ATXN1: variants seen among roughly 807,000 people sequenced by gnomAD.
ATXN1 encodes the protein ataxin 1.
Under a neutral mutation model 56.4 loss-of-function variants are expected in ATXN1, and 8 were observed. The observed-to-expected ratio is 0.14, with a 90% CI of 0.08 to 0.26. ATXN1 has a LOEUF of 0.26. Among genes scored for constraint, ATXN1 ranks in the 10% least tolerant of loss-of-function variants. The pLI is 1.00. For synonymous variants in ATXN1, 514 were observed against 494.6 expected (o/e 1.04, Z -0.52); for missense variants, 987 against 1,106.5 (o/e 0.89, Z 1.53).
chr6:16,357,709 C>T (rs967107086), intron 6 of ATXN1, among the ~76,000 whole-genome samples: 1 of 152,136 alleles, frequency 6.6e-6, no homozygotes, highest in Non-Finnish European at 1.5e-5. Flanking sequence ...AGGGTCTAGA[C>T]TCAGGTAGCG....
chr6:16,403,592 C>G (rs1758625896), intron 6 of ATXN1, among the ~76,000 whole-genome samples: 1 of 152,170 alleles, frequency 6.6e-6, no homozygotes, highest in Non-Finnish European at 1.5e-5. Flanking sequence ...CTCAAGTGAT[C>G]CTCACACCTT....
chr6:16,581,416 A>T (rs1487514726), intron 4 of ATXN1, among the ~76,000 whole-genome samples: 1 of 152,080 alleles, frequency 6.6e-6, no homozygotes, highest in Non-Finnish European at 1.5e-5. Context: ...TTCGTCAAAG[A>T]CAGTAAATCC....
At chr6:16,504,079 C>G (rs992888430) in intron 5 of ATXN1, among the ~76,000 whole-genome samples, 2 of 152,138 alleles carry the variant, frequency 1.3e-5, no homozygotes, top group Non-Finnish European at 2.9e-5. Context: ...TATCTTGTGC[C>G]TTTCAGCCCC....
At chr6:16,511,600 G>A (rs1041050751) in intron 5 of ATXN1, among the ~76,000 whole-genome samples, 4 of 152,092 alleles carry the variant, frequency 2.6e-5, no homozygotes, top group East Asian at 1.9e-4. Context: ...CAACAAGTCC[G>A]AAACCTCCAA....
At position 16,525,211 on chromosome 6, in the gene ATXN1, T is replaced by C. The variant is rs1371666072; in HGVS notation, c.-360-2523A>G. Reference sequence around the variant, plus strand: ...AGGAAATCAGTATATTGAGGAAAAATCTGCACTTCCTCTGTTTGTTACAGC... The same window carrying C: ...AGGAAATCAGTATATTGAGGAAAAACCTGCACTTCCTCTGTTTGTTACAGC... On this transcript the variant is annotated intron_variant, in intron 4 of 7. Coordinates refer to ENST00000436367, the MANE Select transcript of ATXN1 (RefSeq NM_001128164.2). Among the ~76,000 whole-genome samples, 4 of 152,084 alleles carry C rather than the reference T, an allele frequency of 2.6e-5. No homozygotes were observed. In the East Asian group the frequency reaches 7.7e-4, roughly 29 times the overall value.
chr6:16,312,140 T>C (rs1234266561), intron 7 of ATXN1, among the ~76,000 whole-genome samples: 1 of 152,228 alleles, frequency 6.6e-6, no homozygotes, highest in Non-Finnish European at 1.5e-5. Flanking sequence ...ATCTGAGGAT[T>C]TCCACGTTAC....
At chr6:16,451,868 G>C (rs1262270466) in intron 6 of ATXN1, among the ~76,000 whole-genome samples, 2 of 152,088 alleles carry the variant, frequency 1.3e-5, no homozygotes, top group Non-Finnish European at 2.9e-5. Context: ...ACAAAAACAA[G>C]TTGTTTAAAA....
chr6:16,602,390 ATTT>A lies in ATXN1; in HGVS notation c.-488-16486_-488-16484del, dbSNP rs530404040. The stretch of plus-strand genomic sequence containing the variant: ...AGCTTTTAATTTTTTTAAGCTTTTA[ATTT>A]TTTTAATTGAAGCATCACTTTACTT... On this transcript the variant is annotated intron_variant, in intron 3 of 7. Transcript: ENST00000436367. 3.4e-3 allele frequency among the ~76,000 whole-genome samples: 518 copies of A among 152,054 alleles called. 2 individuals carry two copies. The highest frequency in any genetic ancestry group is 0.012 in the African/African-American group (491 of 41,470).
intron 6 of ATXN1, among the ~76,000 whole-genome samples, chr6:16,342,418 T>C (rs1432219285): frequency 6.6e-6 from 1 of 151,810 alleles, no homozygotes; most frequent in Non-Finnish European, 1.5e-5. Flanking sequence ...ATGTGCATCG[T>C]TGGTGGGAAC....
intron 6 of ATXN1, among the ~76,000 whole-genome samples, chr6:16,411,250 T>G (rs763060040): frequency 6.6e-6 from 1 of 151,996 alleles, no homozygotes; most frequent in Non-Finnish European, 1.5e-5. Context: ...AAATGACATA[T>G]TATGCATAAT....
At chr6:16,721,094 T>C (rs1759736333) in intron 2 of ATXN1, among the ~76,000 whole-genome samples, 1 of 152,206 alleles carries the variant, frequency 6.6e-6, no homozygotes. Flanking sequence ...TACCTATTAA[T>C]ACAAATGCAA....
intron 3 of ATXN1, among the ~76,000 whole-genome samples, chr6:16,640,089 T>C (rs558761155): frequency 6.6e-6 from 1 of 152,304 alleles, no homozygotes; most frequent in Admixed American, 6.5e-5. Context: ...TGAAGTTCTG[T>C]GGCAACCCCG....
chr6:16,462,974 T>C (rs929770399), intron 6 of ATXN1, among the ~76,000 whole-genome samples: 1 of 152,056 alleles, frequency 6.6e-6, no homozygotes, highest in Non-Finnish European at 1.5e-5. Context: ...CTGGACCCCC[T>C]GCAGCAGCAC....
chr6:16,334,647 G>A (rs927301411), intron 6 of ATXN1, among the ~76,000 whole-genome samples: 1 of 152,154 alleles, frequency 6.6e-6, no homozygotes, highest in Non-Finnish European at 1.5e-5. Flanking sequence ...AGCCCAGGAG[G>A]TTGAGGCTGC....
chr6:16,637,498 A>C (rs1035793708), intron 3 of ATXN1, among the ~76,000 whole-genome samples: 1 of 151,820 alleles, frequency 6.6e-6, no homozygotes, highest in Non-Finnish European at 1.5e-5. Flanking sequence ...AGTATAATAA[A>C]AAATAAATAA....
chr6:16,456,930 T>A (rs1759888685), intron 6 of ATXN1, among the ~76,000 whole-genome samples: 2 of 152,230 alleles, frequency 1.3e-5, no homozygotes. Context: ...ACAAAGGCTA[T>A]TCCCAAAGCT....
chr6:16,753,598 T>C (rs1348503768), intron 1 of ATXN1, among the ~76,000 whole-genome samples: 1 of 152,200 alleles, frequency 6.6e-6, no homozygotes, highest in Non-Finnish European at 1.5e-5. Context: ...ATTAAGAGGA[T>C]GGTCTCCCCA....
intron 5 of ATXN1, among the ~76,000 whole-genome samples, chr6:16,500,738 T>TA (rs1167731131): frequency 0.23 from 19,809 of 84,602 alleles, 1,624 homozygotes; most frequent in Non-Finnish European, 0.29. Flanking sequence ...TTCATTATGA[T>TA]AAAAAAAAAA....
chr6:16,399,687 G>C, intron 6 of ATXN1, among the ~76,000 whole-genome samples: 1 of 152,130 alleles, frequency 6.6e-6, no homozygotes, highest in Admixed American at 6.5e-5. Flanking sequence ...GGACATTTTT[G>C]ATTGTCACAA....
Sources: allele counts gnomAD v4.1 joint callset (sites outside exome capture counted in the v4.1 genomes callset), GRCh38; gene constraint gnomAD v4.1.1; transcripts MANE v1.5; gene names NCBI Gene and HGNC (gene_info 2026-07-23, HGNC 2026-07-21).